Variants in CAMTA1 observed in about 807,000 individuals in gnomAD.
CAMTA1 encodes calmodulin-binding transcription activator 1.
A neutral mutation model predicts 170.9 loss-of-function variants in CAMTA1; 27 were observed. That is an observed-to-expected ratio of 0.16 (90% confidence interval 0.12 to 0.22). CAMTA1 has a LOEUF of 0.22. Among genes scored for constraint, CAMTA1 ranks in the 10% least tolerant of loss-of-function variants. CAMTA1 has a pLI of 1.00. For missense variants in CAMTA1, 1,619 were observed against 2,217.2 expected (o/e 0.73, Z 5.42); for synonymous variants, 833 against 891.5 (o/e 0.93, Z 1.17).
intron 4 of CAMTA1, among the ~76,000 whole-genome samples, chr1:7,215,724 C>T (rs1306324782): frequency 3.3e-5 from 5 of 152,174 alleles, no homozygotes; most frequent in African/African-American, 1.2e-4. Context: ...ATCACATGTA[C>T]ATTTTTGGAA....
At chr1:6,909,381 C>T (rs142824037) in intron 3 of CAMTA1, among the ~76,000 whole-genome samples, 3 of 152,288 alleles carry the variant, frequency 2.0e-5, no homozygotes, top group African/African-American at 7.2e-5. Context: ...CTAAAAATGA[C>T]AAAGAAGTGC....
chr1:7,502,465 G>T (rs896736808), intron 6 of CAMTA1, among the ~76,000 whole-genome samples: 1 of 152,058 alleles, frequency 6.6e-6, no homozygotes, highest in Admixed American at 6.6e-5. Context: ...AATTCCAAGT[G>T]TTTGTTTGGT....
intron 3 of CAMTA1, among the ~76,000 whole-genome samples, chr1:7,016,813 G>C (rs1404960861): frequency 2.0e-5 from 3 of 151,722 alleles, no homozygotes; most frequent in Non-Finnish European, 2.9e-5. Flanking sequence ...TCCAGCCTGA[G>C]TGACAGAGCG....
intron 5 of CAMTA1, among the ~76,000 whole-genome samples, chr1:7,329,146 T>A (rs2082872065): frequency 6.6e-6 from 1 of 152,182 alleles, no homozygotes; most frequent in African/African-American, 2.4e-5. Context: ...TTACTGTAGG[T>A]CATAGAAGTG....
chr1:7,159,605 A>C (rs9434860), intron 4 of CAMTA1, among the ~76,000 whole-genome samples: 1 of 151,968 alleles, frequency 6.6e-6, no homozygotes, highest in Admixed American at 6.5e-5. Flanking sequence ...GTGCAATGAC[A>C]CAATCATAGC....
intron 1 of CAMTA1, among the ~76,000 whole-genome samples, chr1:6,801,251 GT>G (rs989160490): frequency 2.0e-5 from 3 of 152,206 alleles, no homozygotes; most frequent in Non-Finnish European, 4.4e-5. Context: ...TTGTATGAGT[GT>G]TTTCTGATGC....
intron 3 of CAMTA1, among the ~76,000 whole-genome samples, chr1:6,835,147 G>T (rs943498785): frequency 1.3e-5 from 2 of 152,160 alleles, no homozygotes; most frequent in African/African-American, 4.8e-5. Flanking sequence ...GCTGGAATTG[G>T]AGATTGACCT....
chr1:7,055,689 T>C (rs1236224431), intron 3 of CAMTA1, among the ~76,000 whole-genome samples: 1 of 152,168 alleles, frequency 6.6e-6, no homozygotes, highest in Non-Finnish European at 1.5e-5. Context: ...TTGGCCCTTA[T>C]CAGGAGGCTG....
At chr1:7,206,494 ATCCTTTTTTGTGT>A (rs1216061301) in intron 4 of CAMTA1, among the ~76,000 whole-genome samples, 2 of 152,036 alleles carry the variant, frequency 1.3e-5, no homozygotes, top group African/African-American at 4.8e-5. Flanking sequence ...AGTTTACTGA[ATCCTTTTTTGTGT>A]GTTCGAGTTA....
chr1:7,427,110 G>C (rs906740985), intron 5 of CAMTA1, among the ~76,000 whole-genome samples: 3 of 152,088 alleles, frequency 2.0e-5, no homozygotes, highest in African/African-American at 7.2e-5. Context: ...CAGCAGGTGG[G>C]GGACAGGAGG....
intron 5 of CAMTA1, among the ~76,000 whole-genome samples, chr1:7,380,303 G>A (rs547415790): frequency 3.9e-5 from 6 of 152,202 alleles, no homozygotes; most frequent in South Asian, 4.2e-4. Context: ...GTCCGGGTCC[G>A]GTGGCTCACG....
At chr1:7,601,724 C>T (rs574412949) in intron 6 of CAMTA1, among the ~76,000 whole-genome samples, 4 of 152,348 alleles carry the variant, frequency 2.6e-5, no homozygotes, top group East Asian at 1.9e-4. Context: ...GGATCCCTCG[C>T]GGTTAGGAGC....
intron 4 of CAMTA1, among the ~76,000 whole-genome samples, chr1:7,215,583 G>A (rs1455749775): frequency 2.0e-5 from 3 of 152,122 alleles, no homozygotes; most frequent in Non-Finnish European, 4.4e-5. Context: ...TAGTAGAGAC[G>A]GGGTTTCACC....
intron 5 of CAMTA1, among the ~76,000 whole-genome samples, chr1:7,394,450 G>A (rs1356392535): frequency 6.6e-6 from 1 of 152,078 alleles, no homozygotes; most frequent in Admixed American, 6.5e-5. Flanking sequence ...GTGATGTTGA[G>A]CATTTTTAAA....
intron 3 of CAMTA1, among the ~76,000 whole-genome samples, chr1:6,826,956 C>T (rs1055646173): frequency 1.3e-5 from 2 of 152,192 alleles, no homozygotes; most frequent in African/African-American, 4.8e-5. Flanking sequence ...AAATTATTTA[C>T]ATGTTGCACC....
At chr1:7,187,287 G>A (rs1340330512) in intron 4 of CAMTA1, among the ~76,000 whole-genome samples, 2 of 152,178 alleles carry the variant, frequency 1.3e-5, no homozygotes, top group African/African-American at 2.4e-5. Flanking sequence ...TATGGGAAAT[G>A]AAGACAGTGG....
intron 3 of CAMTA1, among the ~76,000 whole-genome samples, chr1:6,929,044 C>T (rs1683879289): frequency 2.0e-5 from 3 of 152,280 alleles, no homozygotes; most frequent in Admixed American, 2.0e-4. Flanking sequence ...ACTTAAGGGC[C>T]AATGACTTTT....
chr1:7,590,365 T>C (rs2095346462), intron 6 of CAMTA1, among the ~76,000 whole-genome samples: 1 of 152,176 alleles, frequency 6.6e-6, no homozygotes, highest in African/African-American at 2.4e-5. Flanking sequence ...TCAGAGCAGG[T>C]GTGGGCCCTG....
At chr1:7,175,254 C>T (rs573971426) in intron 4 of CAMTA1, among the ~76,000 whole-genome samples, 4 of 134,522 alleles carry the variant, frequency 3.0e-5, no homozygotes, top group Admixed American at 7.5e-5. Flanking sequence ...GGCCACGGTG[C>T]GGCTGGCAGT....
Sources: allele counts gnomAD v4.1 joint callset (sites outside exome capture counted in the v4.1 genomes callset), GRCh38; gene constraint gnomAD v4.1.1; transcripts MANE v1.5; gene names NCBI Gene and HGNC (gene_info 2026-07-23, HGNC 2026-07-21).